Variants in KANK1 observed in about 807,000 individuals in gnomAD.
The protein encoded by KANK1 is KN motif and ankyrin repeat domain-containing protein 1.
A neutral mutation model predicts 106.2 loss-of-function variants in KANK1; 109 were observed. That is an observed-to-expected ratio of 1.03 (90% CI 0.88 to 1.20). KANK1 has a LOEUF of 1.20. KANK1 is among the 50% of genes most tolerant of loss of function. The pLI, the probability that KANK1 is intolerant of heterozygous loss-of-function variation, is 0.00. For synonymous variants in KANK1, 873 were observed against 652.2 expected (o/e 1.34, Z -5.16); for missense variants, 2,399 against 1,710.7 (o/e 1.40, Z -7.10).
intron 1 of KANK1, among the ~76,000 whole-genome samples, chr9:574,620 G>A (rs1438802986): frequency 6.6e-6 from 1 of 151,996 alleles, no homozygotes; most frequent in Non-Finnish European, 1.5e-5. Flanking sequence ...ACTTTGGGAG[G>A]CTGAGGCGGG....
At chr9:606,182 C>CAG (rs999467494) in intron 1 of KANK1, among the ~76,000 whole-genome samples, 2 of 143,484 alleles carry the variant, frequency 1.4e-5, no homozygotes, top group African/African-American at 5.2e-5. Context: ...CACACACACA[C>CAG]CACTCACACA....
chr9:545,995 G>A (rs1194419229), intron 1 of KANK1, among the ~76,000 whole-genome samples: 3 of 152,074 alleles, frequency 2.0e-5, no homozygotes, highest in Non-Finnish European at 4.4e-5. Flanking sequence ...TGATCCACCC[G>A]CCTTGGCCTC....
upstream of KANK1, among the ~76,000 whole-genome samples, chr9:502,081 G>GT (rs2058564443): frequency 1.3e-5 from 2 of 152,202 alleles, no homozygotes; most frequent in African/African-American, 4.8e-5. Context: ...ATTATGTTAA[G>GT]TGAAAGAAGC....
chr9:679,501 G>C (rs1358364172), intron 2 of KANK1, among the ~76,000 whole-genome samples: 1 of 152,184 alleles, frequency 6.6e-6, no homozygotes, highest in East Asian at 1.9e-4. Flanking sequence ...TGCAACCTCT[G>C]CCTCCTGGGT....
At chr9:658,034 C>G (rs571891828) in intron 1 of KANK1, among the ~76,000 whole-genome samples, 1 of 152,024 alleles carries the variant, frequency 6.6e-6, no homozygotes, top group Admixed American at 6.5e-5. Context: ...CCACCATACC[C>G]AGTTCCATTC....
In KANK1 at chr9:735,762, T is replaced by A. The variant is rs1249483550; in HGVS notation, c.3333+927T>A. 3 of 436,090 alleles carry A rather than the reference T, an allele frequency of 6.9e-6. No individual in the cohort carries two copies. The Admixed American group carries it at 7.1e-5, about 10-fold the overall frequency. 27.0% of individuals were successfully genotyped at this position (436,090 alleles called of 1,614,324 possible). A position where few individuals can be genotyped will look rare whatever the true frequency, so the allele number is the denominator to read the frequency against. ...TGATCCCAACACTTCGGGAGGCCGA[T>A]GCAGGTGGATCACATGAGGTCTGGA... is the stretch of plus-strand genomic sequence containing the variant. On this transcript the variant is annotated intron_variant, in intron 7 of 11. Transcript: ENST00000382297.
chr9:560,852 A>G (rs1816233522), intron 1 of KANK1, among the ~76,000 whole-genome samples: 1 of 152,178 alleles, frequency 6.6e-6, no homozygotes, highest in Non-Finnish European at 1.5e-5. Context: ...TACTGAATGC[A>G]GCTTCCTAGA....
intron 1 of KANK1, among the ~76,000 whole-genome samples, chr9:592,445 A>G (rs1028416778): frequency 3.3e-5 from 5 of 150,716 alleles, no homozygotes; most frequent in Non-Finnish European, 7.4e-5. Flanking sequence ...TGTCAGGGCC[A>G]CAGCTGCTAT....
At chr9:503,244 G>A (rs2132515072), upstream of KANK1, among the ~76,000 whole-genome samples, 1 of 152,042 alleles carries the variant, frequency 6.6e-6, no homozygotes, top group South Asian at 2.1e-4. Flanking sequence ...TTTGGGGCGG[G>A]GTGGTGGTGG....
At position 713,141 on chromosome 9, in the gene KANK1, C is replaced by T; in HGVS notation, c.2375C>T (p.Ala792Val). Residue 792 changes from alanine to valine, a missense_variant, in exon 3 of 12, where the codon GCC becomes GTC. By Grantham distance (64) the Ala-to-Val change is moderately conservative. Transcript: ENST00000382297. ...GPPQLTVGLT[A>V]SRRSVGVGDD... ...CCACAGTTGACTGTGGGGCTGACAG[C>T]CAGCAGAAGGAGCGTGGGGGTTGGG... The T allele has an allele frequency of 6.3e-7, 1 of 1,596,532 alleles. No individual in the cohort carries two copies. The highest frequency in any genetic ancestry group is 8.6e-7 in the Non-Finnish European group (1 of 1,169,432).
At chr9:528,077 G>A (rs1363235079) in intron 1 of KANK1, among the ~76,000 whole-genome samples, 35 of 151,320 alleles carry the variant, frequency 2.3e-4, no homozygotes, top group Non-Finnish European at 3.2e-4. Context: ...AGCTTGCAGT[G>A]AGCCGAGATC....
Position 716,969 on chromosome 9 carries a change from T to C in KANK1, c.2698+3505T>C, listed in dbSNP as rs1827877334. On this transcript the variant is annotated intron_variant, in intron 3 of 11. Transcript: ENST00000382297. ...CTACACTCCAGCCTGGGTGACAGAA[T>C]GAGACCTTGTCTGTGGGTGGGGGTG... Among the ~76,000 whole-genome samples, 3 of 149,914 alleles carry C rather than the reference T, an allele frequency of 2.0e-5. No individual in the cohort carries two copies. The South Asian group carries it at 6.4e-4, about 32-fold the overall frequency.
At chr9:559,945 G>A (rs141810734) in intron 1 of KANK1, among the ~76,000 whole-genome samples, 52 of 152,278 alleles carry the variant, frequency 3.4e-4, no homozygotes, top group African/African-American at 1.3e-3. Flanking sequence ...ATGTATTATA[G>A]TTATTTGTAT....
chr9:677,938 G>T (rs4742225), intron 2 of KANK1, among the ~76,000 whole-genome samples: 75,555 of 152,024 alleles, frequency 0.5, 20,443 homozygotes, highest in African/African-American at 0.7. Flanking sequence ...TCCACCTGCC[G>T]GTTTAGGACC....
chr9:634,817 C>G (rs1193193671), intron 1 of KANK1, among the ~76,000 whole-genome samples: 1 of 152,210 alleles, frequency 6.6e-6, no homozygotes, highest in Non-Finnish European at 1.5e-5. Flanking sequence ...AAAGGACTTT[C>G]AGATTTAGTG....
At chr9:684,692 T>C in intron 2 of KANK1, 1 of 495,830 alleles carries the variant, frequency 2.0e-6, no homozygotes, top group Non-Finnish European at 2.6e-6. Context: ...GGGTTTGCCT[T>C]CTTCCTGTGT....
At chr9:580,213 G>A (rs891513281) in intron 1 of KANK1, among the ~76,000 whole-genome samples, 7 of 151,936 alleles carry the variant, frequency 4.6e-5, no homozygotes, top group South Asian at 2.1e-4. Flanking sequence ...TCGTTCCTCC[G>A]GTCTGGAGTT....
intron 2 of KANK1, among the ~76,000 whole-genome samples, chr9:697,159 G>A (rs1821521931): frequency 6.6e-6 from 1 of 151,822 alleles, no homozygotes. Context: ...CATCTGAAAA[G>A]TTCTCGTTTT....
At chr9:577,320 G>T (rs1563798511) in intron 1 of KANK1, among the ~76,000 whole-genome samples, 1 of 151,988 alleles carries the variant, frequency 6.6e-6, no homozygotes. Context: ...AGTGCTGATT[G>T]GTGTGTTATT....
Sources: allele counts gnomAD v4.1 joint callset (sites outside exome capture counted in the v4.1 genomes callset), GRCh38; gene constraint gnomAD v4.1.1; transcripts MANE v1.5; gene names NCBI Gene and HGNC (gene_info 2026-07-23, HGNC 2026-07-21).